LIN9: variants seen among roughly 807,000 people sequenced by gnomAD.
LIN9 encodes the protein lin-9 DREAM MuvB core complex component.
Under a neutral mutation model 78.0 loss-of-function variants are expected in LIN9, and 18 were observed. The ratio of observed to expected loss-of-function variants is 0.23; its 90% CI spans 0.16 to 0.34. The LOEUF (loss-of-function observed/expected upper bound fraction) is 0.34, where lower values mean the gene tolerates loss of function less well. Ranked by LOEUF, LIN9 falls within the 10% of genes least tolerant of loss-of-function variation. LIN9 has a pLI of 1.00. For missense variants in LIN9, 451 were observed against 644.1 expected (o/e 0.70, Z 3.25); for synonymous variants, 192 against 215.2 (o/e 0.89, Z 0.94).
At chr1:226,260,646 T>G (rs980215162) in intron 10 of LIN9, among the ~76,000 whole-genome samples, 5 of 126,398 alleles carry the variant, frequency 4.0e-5, no homozygotes, top group East Asian at 2.2e-4. Context: ...TTTTTTTTTT[T>G]TTTTTTTTTT....
intron 10 of LIN9, among the ~76,000 whole-genome samples, chr1:226,254,687 G>T (rs548086803): frequency 2.8e-4 from 42 of 151,968 alleles, no homozygotes; most frequent in African/African-American, 9.2e-4. Context: ...CGAGACGGGC[G>T]GATCACGAGG....
intron 13 of LIN9, 62 bp from the exon 14 acceptor site, chr1:226,233,255 C>G (rs2102819665): frequency 6.6e-7 from 1 of 1,508,618 alleles, no homozygotes; most frequent in Non-Finnish European, 9.1e-7. Flanking sequence ...CATAAAATAC[C>G]TGATATAATC....
chr1:226,304,574 A>C lies in LIN9; in HGVS notation c.32-3369T>G, dbSNP rs190849317. Among the ~76,000 whole-genome samples the C allele has an allele frequency of 1.5e-4, 23 of 152,338 alleles. No homozygotes were observed. In the East Asian group the frequency reaches 4.2e-3, roughly 28 times the overall value. The stretch of plus-strand genomic sequence containing the variant: ...TGGTGGGGACGGGGGAATTACTCTA[A>C]GTACTAGCTACCTTACTTTTGAGTA... On this transcript the variant is annotated intron_variant, in intron 1 of 14. Coordinates refer to ENST00000681046, the MANE Select transcript of LIN9 (RefSeq NM_001366245.2).
At chr1:226,309,699 C>T (rs765566451), upstream of LIN9, 101 of 1,287,178 alleles carry the variant, frequency 7.8e-5, no homozygotes, top group Non-Finnish European at 9.9e-5. Flanking sequence ...GCAGCAGCCC[C>T]CTGCGCGTCG....
At chr1:226,244,779 G>A (rs1054062563) in intron 11 of LIN9, among the ~76,000 whole-genome samples, 12 of 152,174 alleles carry the variant, frequency 7.9e-5, no homozygotes, top group Admixed American at 2.0e-4. Context: ...CCTTGTATGC[G>A]CATCTTCTGA....
intron 1 of LIN9, among the ~76,000 whole-genome samples, chr1:226,302,023 C>T (rs753061111): frequency 6.6e-6 from 1 of 152,274 alleles, no homozygotes; most frequent in East Asian, 1.9e-4. Flanking sequence ...GAGCTGTGAC[C>T]GTGCCACTGC....
At chr1:226,283,245 G>A (rs1391181768) in intron 6 of LIN9, among the ~76,000 whole-genome samples, 3 of 148,130 alleles carry the variant, frequency 2.0e-5, no homozygotes, top group African/African-American at 7.5e-5. Flanking sequence ...TCCCACCTCA[G>A]CCTCCTGAGT....
At chr1:226,296,170 T>C (rs1332118294) in intron 3 of LIN9, among the ~76,000 whole-genome samples, 1 of 152,204 alleles carries the variant, frequency 6.6e-6, no homozygotes, top group African/African-American at 2.4e-5. Flanking sequence ...AATACCTAGC[T>C]GATGAATAAA....
intron 4 of LIN9, among the ~76,000 whole-genome samples, chr1:226,289,213 C>A (rs905521443): frequency 6.6e-6 from 1 of 150,384 alleles, no homozygotes; most frequent in Non-Finnish European, 1.5e-5. Flanking sequence ...CCAGCCTGGG[C>A]GACAGAGTGA....
chr1:226,242,807 C>T (rs891732654), intron 11 of LIN9, among the ~76,000 whole-genome samples: 2 of 152,214 alleles, frequency 1.3e-5, no homozygotes, highest in Non-Finnish European at 2.9e-5. Context: ...CTTCCTCCTT[C>T]TCCTCAGCCT....
At chr1:226,281,711 T>G (rs1661071613) in intron 6 of LIN9, among the ~76,000 whole-genome samples, 1 of 151,412 alleles carries the variant, frequency 6.6e-6, no homozygotes, top group African/African-American at 2.4e-5. Flanking sequence ...TTTTTTTTTT[T>G]GATTTGGAGT....
At position 226,250,524 on chromosome 1, in the gene LIN9, G is replaced by T. The variant is rs1658765656; in HGVS notation, c.1119+315C>A. ...AACAAGAGATAGTGATAGCAATGAA[G>T]ATTTACTGTTGTATGTATGTATGTA... is the stretch of plus-strand genomic sequence containing the variant. On this transcript the variant is annotated intron_variant, in intron 11 of 14. Coordinates refer to ENST00000681046, the MANE Select transcript of LIN9 (RefSeq NM_001366245.2). Among the ~76,000 whole-genome samples the T allele has an allele frequency of 7.2e-5, 11 of 152,246 alleles. No individual in the cohort carries two copies. In the South Asian group the frequency reaches 2.1e-3, roughly 29 times the overall value.
chr1:226,243,181 T>C (rs1658227574), intron 11 of LIN9, among the ~76,000 whole-genome samples: 1 of 152,194 alleles, frequency 6.6e-6, no homozygotes, highest in African/African-American at 2.4e-5. Context: ...GCGAAACAAA[T>C]AATTTTGTTA....
chr1:226,284,680 C>T (rs1226314888), intron 6 of LIN9, among the ~76,000 whole-genome samples: 4 of 152,028 alleles, frequency 2.6e-5, no homozygotes, highest in African/African-American at 7.2e-5. Context: ...GCCGAGATCA[C>T]GCCACTGCAC....
chr1:226,244,976 A>G (rs539277974), intron 11 of LIN9, among the ~76,000 whole-genome samples: 1 of 152,316 alleles, frequency 6.6e-6, no homozygotes, highest in Admixed American at 6.5e-5. Context: ...TTTTGGACAA[A>G]GGCAAACATA....
chr1:226,295,447 T>C (rs1476736686), intron 4 of LIN9, among the ~76,000 whole-genome samples: 1 of 151,594 alleles, frequency 6.6e-6, no homozygotes, highest in Non-Finnish European at 1.5e-5. Flanking sequence ...AGACTCCGTC[T>C]CAAAATATAT....
upstream of LIN9, chr1:226,309,221 C>A: frequency 6.9e-7 from 1 of 1,442,796 alleles, no homozygotes; most frequent in South Asian, 1.5e-5. Flanking sequence ...GAGGGAGGTT[C>A]GAATGCGGAG....
chr1:226,284,513 C>T (rs916329460), intron 6 of LIN9, among the ~76,000 whole-genome samples: 7 of 152,230 alleles, frequency 4.6e-5, no homozygotes, highest in Admixed American at 6.5e-5. Context: ...CACCTGAGGT[C>T]AGGAGTTCAA....
intron 11 of LIN9, among the ~76,000 whole-genome samples, chr1:226,243,488 A>T (rs1576281187): frequency 6.6e-6 from 1 of 152,172 alleles, no homozygotes; most frequent in African/African-American, 2.4e-5. Flanking sequence ...TGAGGTCAGG[A>T]GTTCGAGACC....
Sources: gnomAD v4.1 joint callset for allele counts (sites outside exome capture counted in the v4.1 genomes callset) on GRCh38, gnomAD v4.1.1 for gene constraint, MANE v1.5 for transcripts, NCBI Gene and HGNC (gene_info 2026-07-23, HGNC 2026-07-21) for gene names.